Variants in PAPPA observed in about 807,000 individuals in gnomAD.
PAPPA encodes pappalysin-1.
In PAPPA, 60 loss-of-function variants were observed where a neutral mutation model predicts 164.0. The ratio of observed to expected loss-of-function variants is 0.37; its 90% CI spans 0.30 to 0.45. The LOEUF is 0.45. Among genes scored for constraint, PAPPA ranks in the 20% least tolerant of loss-of-function variants. The pLI is 1.00. For synonymous variants in PAPPA, 875 were observed against 814.1 expected, an observed-to-expected ratio of 1.07 and a Z score of -1.27; for missense variants, 1,782 against 2,087.3, an observed-to-expected ratio of 0.85 and a Z score of 2.85.
rs1847041640 is a variant in PAPPA, at chr9:116,400,819, C to CAGA, written c.*4206_*4208dup. 1 of 152,588 alleles carries CAGA rather than the reference C, an allele frequency of 6.6e-6. No individual in the cohort carries two copies. The highest frequency in any genetic ancestry group is 2.4e-5 in the African/African-American group (1 of 41,434). 9.5% of individuals were successfully genotyped at this position (152,588 alleles called of 1,614,324 possible). On this transcript the variant is annotated 3_prime_UTR_variant, in exon 22 of 22. Transcript: ENST00000328252. ...AAAGAGAAATTATGTCCCTGTTGTA[C>CAGA]AGAAGTTAGAATTTTTGACTCCAGG...
chr9:116,189,274 C>T (rs1006832313), intron 2 of PAPPA, among the ~76,000 whole-genome samples: 1 of 152,130 alleles, frequency 6.6e-6, no homozygotes, highest in Non-Finnish European at 1.5e-5. Flanking sequence ...ATTTTAAATA[C>T]TTTTGGCACA....
chr9:116,255,642 A>G (rs1255278360), intron 7 of PAPPA, among the ~76,000 whole-genome samples: 1 of 151,926 alleles, frequency 6.6e-6, no homozygotes, highest in African/African-American at 2.4e-5. Flanking sequence ...TTGGCAATTG[A>G]GTGGCTTGAA....
chr9:116,330,472 C>T (rs963168240), intron 10 of PAPPA, among the ~76,000 whole-genome samples: 2 of 152,070 alleles, frequency 1.3e-5, no homozygotes, highest in East Asian at 3.8e-4. Context: ...ATGAATGAAC[C>T]AGTAAACGAA....
intron 18 of PAPPA, among the ~76,000 whole-genome samples, chr9:116,365,075 C>CT (rs1258152783): frequency 2.0e-5 from 3 of 152,328 alleles, no homozygotes; most frequent in African/African-American, 7.2e-5. Context: ...TGTATCCTCG[C>CT]TTTCCTCCAA....
In PAPPA at chr9:116,195,924, G is replaced by A. The variant is rs115324605; in HGVS notation, c.1478+7708G>A. 6.3e-3 allele frequency among the ~76,000 whole-genome samples: 959 copies of A among 151,956 alleles called. 12 individuals are homozygous for A. The highest frequency in any genetic ancestry group is 0.022 in the African/African-American group (920 of 41,410). ...TAATTCCAAAAGTCCTGTATAAACC[G>A]AATGCTAATATATTGATTATCCCAA... is the stretch of plus-strand genomic sequence containing the variant. On this transcript the variant is annotated intron_variant, in intron 2 of 21. Transcript: ENST00000328252.
At chr9:116,170,225 G>A (rs1843760986) in intron 1 of PAPPA, among the ~76,000 whole-genome samples, 1 of 152,078 alleles carries the variant, frequency 6.6e-6, no homozygotes, top group Admixed American at 6.5e-5. Flanking sequence ...TCTAAAATAT[G>A]AACACTATAG....
At chr9:116,231,745 T>G (rs1471968541) in intron 6 of PAPPA, among the ~76,000 whole-genome samples, 1 of 132,552 alleles carries the variant, frequency 7.5e-6, no homozygotes, top group African/African-American at 2.9e-5. Context: ...TAAACAGTGG[T>G]TTTTCTTTTC....
At chr9:116,159,123 A>G (rs1223413723) in intron 1 of PAPPA, among the ~76,000 whole-genome samples, 1 of 152,244 alleles carries the variant, frequency 6.6e-6, no homozygotes, top group Non-Finnish European at 1.5e-5. Flanking sequence ...TTCACATCAA[A>G]TTATCAGACA....
intron 9 of PAPPA, chr9:116,286,008 C>T (rs1465518175): frequency 3.3e-5 from 5 of 152,066 alleles, no homozygotes; most frequent in African/African-American, 9.7e-5. Flanking sequence ...CTGAACTGGG[C>T]TGCTTGTATC....
At chr9:116,213,978 G>T (rs1212727591) in intron 4 of PAPPA, among the ~76,000 whole-genome samples, 3 of 152,186 alleles carry the variant, frequency 2.0e-5, no homozygotes, top group Non-Finnish European at 4.4e-5. Flanking sequence ...TGAAGACATT[G>T]CTGGGTCAAC....
chr9:116,365,531 T>A (rs1160672033), intron 18 of PAPPA, among the ~76,000 whole-genome samples: 1 of 143,938 alleles, frequency 6.9e-6, no homozygotes, highest in African/African-American at 2.5e-5. Context: ...GGACAGCAAG[T>A]GTCTCCTGTT....
At chr9:116,362,885 T>A (rs925080493) in intron 18 of PAPPA, 146 bp downstream of exon 18, 1 of 739,356 alleles carries the variant, frequency 1.4e-6, no homozygotes, top group African/African-American at 1.8e-5. Flanking sequence ...GTGTAGACCA[T>A]GTCCTCCCAG....
At chr9:116,227,394 A>G (rs1204000918) in intron 5 of PAPPA, 37 bp from the exon 6 acceptor site, 10 of 1,612,234 alleles carry the variant, frequency 6.2e-6, no homozygotes, top group Non-Finnish European at 6.8e-6. Context: ...AACTGTTCCT[A>G]AGTCGGTGCA....
chr9:116,245,204 G>A (rs1478543981), intron 7 of PAPPA, among the ~76,000 whole-genome samples: 1 of 151,892 alleles, frequency 6.6e-6, no homozygotes, highest in African/African-American at 2.4e-5. Flanking sequence ...TACTTAAGGG[G>A]CACAATGTAC....
At chr9:116,173,751 A>G (rs1843799761) in intron 1 of PAPPA, among the ~76,000 whole-genome samples, 1 of 152,078 alleles carries the variant, frequency 6.6e-6, no homozygotes, top group Non-Finnish European at 1.5e-5. Context: ...CAAATCCTGT[A>G]CCTCATGCAA....
At chr9:116,331,019 C>T (rs1014559606) in intron 10 of PAPPA, among the ~76,000 whole-genome samples, 1 of 152,164 alleles carries the variant, frequency 6.6e-6, no homozygotes, top group African/African-American at 2.4e-5. Context: ...TCTCTGTCAT[C>T]TCTACCATCA....
At chr9:116,370,789 C>A (rs1488832549) in intron 19 of PAPPA, among the ~76,000 whole-genome samples, 1 of 152,178 alleles carries the variant, frequency 6.6e-6, no homozygotes. Context: ...ACACTGAGAT[C>A]ACAGGTCATG....
intron 7 of PAPPA, among the ~76,000 whole-genome samples, chr9:116,245,577 G>A (rs920543677): frequency 6.6e-6 from 1 of 152,180 alleles, no homozygotes; most frequent in Non-Finnish European, 1.5e-5. Flanking sequence ...CTTGGTGATA[G>A]ATTGGATTCA....
chr9:116,267,881 CAAAAAAAAAAAAAAAAA>C (rs61670954), intron 8 of PAPPA, among the ~76,000 whole-genome samples: 3 of 57,596 alleles, frequency 5.2e-5, no homozygotes, highest in Non-Finnish European at 6.6e-5. Context: ...GACTCCGTCT[CAAAAAAAAAAAAAAAAA>C]AAAAAAAAAA....
Sources: allele counts gnomAD v4.1 joint callset (sites outside exome capture counted in the v4.1 genomes callset), GRCh38; gene constraint gnomAD v4.1.1; transcripts MANE v1.5; gene names NCBI Gene and HGNC (gene_info 2026-07-23, HGNC 2026-07-21).